Variants in RUSC2 observed in about 807,000 individuals in gnomAD.
RUSC2 encodes RUN and SH3 domain containing 2.
A neutral mutation model predicts 122.2 loss-of-function variants in RUSC2; 34 were observed. The ratio of observed to expected loss-of-function variants is 0.28; its 90% CI spans 0.21 to 0.37. The LOEUF is 0.37. RUSC2 is among the 10% of genes least tolerant of loss of function. RUSC2 has a pLI of 1.00. For missense variants in RUSC2, 1,747 were observed against 1,952.4 expected, an observed-to-expected ratio of 0.89 and a Z score of 1.98; for synonymous variants, 784 against 790.0, an observed-to-expected ratio of 0.99 and a Z score of 0.13.
rs764865270 is a variant in RUSC2 at position 35,561,277 on chromosome 9, A to G, written c.4446A>G (p.Gly1482=). Residue 1482 remains glycine, a synonymous_variant, in exon 12 of 12, where the codon GGA becomes GGG. Coordinates refer to ENST00000361226, the MANE Select transcript of RUSC2 (RefSeq NM_014806.5). ...TACGAGTGCTGGGGCGAGCTGGAGG[A>G]GACTGGCTGCGCTGCAGCCGTGGCC... ...DILRVLGRAG[G]DWLRCSRGPD... is the part of the protein sequence containing the mutation. The G allele has an allele frequency of 6.2e-7, 1 of 1,614,118 alleles. No homozygotes were observed. The highest frequency in any genetic ancestry group is 8.5e-7 in the Non-Finnish European group (1 of 1,180,006).
chr9:35,537,223 A>C (rs1396447882), intron 1 of RUSC2, among the ~76,000 whole-genome samples: 1 of 152,226 alleles, frequency 6.6e-6, no homozygotes, highest in South Asian at 2.1e-4. Flanking sequence ...AGCACAATGC[A>C]TGACTTAGCC....
intron 1 of RUSC2, among the ~76,000 whole-genome samples, chr9:35,498,783 C>T (rs991021319): frequency 2.0e-5 from 3 of 150,962 alleles, no homozygotes; most frequent in African/African-American, 4.9e-5. Context: ...ATCACTTGAA[C>T]CCAGGAGGCA....
chr9:35,546,977 C>A lies in RUSC2; in HGVS notation c.456C>A (p.Gly152=). 6.3e-7 allele frequency: 1 copy of A among 1,588,926 alleles called. No homozygotes were observed. The highest frequency in any genetic ancestry group is 1.7e-5 in the Admixed American group (1 of 58,410). The change falls in exon 2 of 12, where the codon GGC becomes GGA. Residue 152 remains glycine (G), a synonymous_variant. Transcript: ENST00000361226. The surrounding 1 kb of genome is among the most constrained non-coding windows in gnomAD (Gnocchi z 4.3). ...CCTCTTTCCAGCTGCCACCATCTGGCCCCAGAGTGGGCAGGCCATGGGGGA... is the reference window on the plus strand; with the variant it reads ...CCTCTTTCCAGCTGCCACCATCTGGACCCAGAGTGGGCAGGCCATGGGGGA... ...HLSSFQLPPS[G]PRVGRPWGTT... is the part of the protein sequence containing the mutation.
chr9:35,549,379 A>G (rs1821839259), intron 2 of RUSC2, among the ~76,000 whole-genome samples: 1 of 150,514 alleles, frequency 6.6e-6, no homozygotes, highest in Non-Finnish European at 1.5e-5. Flanking sequence ...CTCTTTCCCT[A>G]TTTATTTTGT....
Position 35,548,865 on chromosome 9 carries a change from A to T in RUSC2, c.2014+330A>T. 1 of 585,672 alleles carries T rather than the reference A, an allele frequency of 1.7e-6. No homozygotes were observed. Among genetic ancestry groups the T allele is most frequent in the Non-Finnish European group, 2.2e-6 (1 of 464,850 alleles). The allele number at this position is 585,672 out of a possible 1,614,324, so 36.3% of individuals were successfully genotyped here. On this transcript the variant is annotated intron_variant, in intron 2 of 11. Transcript: ENST00000361226. This position sits in a 1 kb window ranked among gnomAD's most constrained non-coding sequence, Gnocchi z 4.5. The stretch of plus-strand genomic sequence containing the variant: ...GCCAACATAATGAAACCCCAGCTCT[A>T]CTAAAATAAAAAATAAACTAGCCAG...
intron 1 of RUSC2, among the ~76,000 whole-genome samples, chr9:35,497,491 T>A (rs1820741696): frequency 6.6e-6 from 1 of 152,186 alleles, no homozygotes; most frequent in Non-Finnish European, 1.5e-5. Context: ...CACAATTATG[T>A]ATTACCAGCC....
intron 2 of RUSC2, among the ~76,000 whole-genome samples, chr9:35,550,696 G>A (rs1821873075): frequency 6.6e-6 from 1 of 152,132 alleles, no homozygotes; most frequent in Non-Finnish European, 1.5e-5. Context: ...AGAATGTGTT[G>A]AGTTATAAAG....
At chr9:35,509,827 T>C (rs376005509) in intron 1 of RUSC2, among the ~76,000 whole-genome samples, 4 of 152,320 alleles carry the variant, frequency 2.6e-5, no homozygotes, top group African/African-American at 7.2e-5. Flanking sequence ...ATATATCTTC[T>C]CTGTAACTCC....
At position 35,548,055 on chromosome 9, in the gene RUSC2, G is replaced by T. The variant is rs551590507; in HGVS notation, c.1534G>T (p.Gly512Cys). Residue 512 changes from glycine to cysteine, a missense_variant, in exon 2 of 12, where the codon GGC becomes TGC. Gly to Cys is a radical substitution (Grantham distance 159). Coordinates refer to ENST00000361226, the MANE Select transcript of RUSC2 (RefSeq NM_014806.5). This position sits in a 1 kb window ranked among gnomAD's most constrained non-coding sequence, Gnocchi z 4.5. ...GCAGCGCAGCCCTCCTGTCCGCCTG[G>T]GCTCGCTGGAACGTATGTTGAGTTG... ...SLQRSPPVRL[G>C]SLERMLSCPV... The T allele has an allele frequency of 2.2e-4, 362 of 1,613,602 alleles. 3 individuals are homozygous for T. The South Asian group carries it at 3.7e-3, about 16-fold the overall frequency.
intron 1 of RUSC2, among the ~76,000 whole-genome samples, chr9:35,501,403 C>T (rs1431381065): frequency 6.6e-6 from 1 of 152,142 alleles, no homozygotes; most frequent in East Asian, 1.9e-4. Flanking sequence ...ATGGGAAAAC[C>T]CTGTCTCTAC....
In RUSC2 at chr9:35,503,976, T is replaced by G. The variant is rs535544338; in HGVS notation, c.-93+13804T>G. Among the ~76,000 whole-genome samples, 274 of 152,238 alleles carry G rather than the reference T, an allele frequency of 1.8e-3. 1 individual carries two copies. Among genetic ancestry groups the G allele is most frequent in the African/African-American group, 6.0e-3 (250 of 41,534 alleles). The stretch of plus-strand genomic sequence containing the variant: ...TTTTAGTAGAGACAGGGTTTTACCA[T>G]GTCGCCCAGGGTGGTCTCAAACTCC... On this transcript the variant is annotated intron_variant, in intron 1 of 11. Transcript: ENST00000361226.
At chr9:35,490,910 C>A (rs1218608065) in intron 1 of RUSC2, among the ~76,000 whole-genome samples, 4 of 152,136 alleles carry the variant, frequency 2.6e-5, no homozygotes, top group Admixed American at 6.5e-5. Context: ...ATCTTTGTAT[C>A]CCCGGTCCCC....
intron 1 of RUSC2, among the ~76,000 whole-genome samples, chr9:35,506,597 T>C (rs552716838): frequency 1.3e-5 from 2 of 152,320 alleles, no homozygotes; most frequent in East Asian, 3.9e-4. Flanking sequence ...TTGCTTTGCT[T>C]TCACAAAAGA....
At chr9:35,559,082 A>G in intron 8 of RUSC2, 144 bp from the exon 9 acceptor site, 2 of 720,248 alleles carry the variant, frequency 2.8e-6, no homozygotes, top group Non-Finnish European at 5.0e-6. Context: ...ACACATCCCC[A>G]CTGACTTTCT....
chr9:35,548,287 A>G lies in RUSC2; in HGVS notation c.1766A>G (p.Glu589Gly), dbSNP rs772593646. Residue 589 changes from glutamate to glycine, a missense_variant, in exon 2 of 12, where the codon GAG becomes GGG. Coordinates refer to ENST00000361226, the MANE Select transcript of RUSC2 (RefSeq NM_014806.5). This position sits in a 1 kb window ranked among gnomAD's most constrained non-coding sequence, Gnocchi z 4.5. ...AQQDRGAPLD[E>G]GTCCSHSLPP... ...CAAGATCGGGGGGCCCCACTGGATG[A>G]GGGCACTTGCTGTAGCCATAGCCTG... The G allele has an allele frequency of 2.7e-5, 44 of 1,613,880 alleles. No homozygotes were observed. The highest frequency in any genetic ancestry group is 3.6e-5 in the Non-Finnish European group (42 of 1,180,026).
Position 35,510,992 on chromosome 9 carries a change from C to G in RUSC2, c.-93+20820C>G, listed in dbSNP as rs900362993. On this transcript the variant is annotated intron_variant, in intron 1 of 11. Transcript: ENST00000361226. Reference sequence around the variant, plus strand: ...CTGCTGGAACCTCCCAACATCTACCCAGAGATAGCTCCAGTATAGGTTGGC... The same window carrying G: ...CTGCTGGAACCTCCCAACATCTACCGAGAGATAGCTCCAGTATAGGTTGGC... Among the ~76,000 whole-genome samples, 6 of 152,312 alleles carry G rather than the reference C, an allele frequency of 3.9e-5. No homozygotes were observed. The South Asian group carries it at 1.0e-3, about 26-fold the overall frequency.
intron 1 of RUSC2, among the ~76,000 whole-genome samples, chr9:35,518,487 T>C (rs534532707): frequency 2.0e-5 from 3 of 152,196 alleles, no homozygotes; most frequent in African/African-American, 7.2e-5. Context: ...ATGGGGCAAG[T>C]AGACACTCTG....
intron 1 of RUSC2, among the ~76,000 whole-genome samples, chr9:35,529,070 C>T (rs538238066): frequency 6.6e-6 from 1 of 152,230 alleles, no homozygotes; most frequent in Admixed American, 6.5e-5. Context: ...ATGGGTAGCT[C>T]ACTAGCCATT....
intron 2 of RUSC2, among the ~76,000 whole-genome samples, chr9:35,552,564 A>AAAC (rs2132561458): frequency 6.6e-6 from 1 of 152,326 alleles, no homozygotes; most frequent in South Asian, 2.1e-4. Context: ...AGATTGAGTC[A>AAAC]GCAGTTGGTA....
Sources: allele counts gnomAD v4.1 joint callset (sites outside exome capture counted in the v4.1 genomes callset), GRCh38; gene constraint gnomAD v4.1.1; non-coding constraint Gnocchi (gnomAD v3.1); transcripts MANE v1.5; gene names NCBI Gene and HGNC (gene_info 2026-07-23, HGNC 2026-07-21).